PARD3: variants seen among roughly 807,000 people sequenced by gnomAD.
PARD3 encodes the protein partitioning defective 3 homolog.
A neutral mutation model predicts 155.4 loss-of-function variants in PARD3; 75 were observed. The ratio of observed to expected loss-of-function variants is 0.48; its 90% CI spans 0.40 to 0.58. The LOEUF (loss-of-function observed/expected upper bound fraction) is 0.58. Among genes scored for constraint, PARD3 ranks in the 20% least tolerant of loss-of-function variants. The probability of loss-of-function intolerance (pLI) is 0.00; values close to 1 mark genes in which losing one functional copy is unlikely to be tolerated. For synonymous variants in PARD3, 576 were observed against 610.5 expected (o/e 0.94, Z 0.83); for missense variants, 1,642 against 1,721.7 (o/e 0.95, Z 0.82).
intron 2 of PARD3, among the ~76,000 whole-genome samples, chr10:34,579,570 G>GTGTGTGTGTGTGTGTGTA (rs1554775604): frequency 1.1e-3 from 152 of 138,332 alleles, no homozygotes; most frequent in Middle Eastern, 6.9e-3. Flanking sequence ...GTGTGTGTGT[G>GTGTGTGTGTGTGTGTGTA]TGTGTGTGTG....
chr10:34,372,017 ATC>A (rs1249079947), intron 12 of PARD3, among the ~76,000 whole-genome samples: 12 of 152,054 alleles, frequency 7.9e-5, no homozygotes, highest in Non-Finnish European at 1.8e-4. Flanking sequence ...TTGTTAAATT[ATC>A]TCTTTTATAG....
intron 2 of PARD3, among the ~76,000 whole-genome samples, chr10:34,541,009 G>A (rs1041281122): frequency 6.6e-6 from 1 of 151,898 alleles, no homozygotes; most frequent in Non-Finnish European, 1.5e-5. Flanking sequence ...CTTAATTTAA[G>A]ATATAAGTAA....
intron 2 of PARD3, among the ~76,000 whole-genome samples, chr10:34,629,818 A>G (rs1358364046): frequency 6.6e-6 from 1 of 152,180 alleles, no homozygotes; most frequent in Admixed American, 6.5e-5. Flanking sequence ...TTTTGGGATA[A>G]TCTGTCATTT....
intron 1 of PARD3, among the ~76,000 whole-genome samples, chr10:34,721,249 G>A (rs2094602623): frequency 6.6e-6 from 1 of 152,216 alleles, no homozygotes; most frequent in Non-Finnish European, 1.5e-5. Flanking sequence ...TTCCAGAACT[G>A]AAGAGACTGC....
intron 2 of PARD3, among the ~76,000 whole-genome samples, chr10:34,624,360 A>C (rs1398823538): frequency 1.3e-5 from 2 of 152,230 alleles, no homozygotes; most frequent in African/African-American, 4.8e-5. Context: ...AAAGAAAACT[A>C]GGTAAAAAAA....
intron 21 of PARD3, among the ~76,000 whole-genome samples, chr10:34,279,187 C>T (rs1336556354): frequency 7.9e-6 from 1 of 126,254 alleles, no homozygotes; most frequent in African/African-American, 3.2e-5. Flanking sequence ...CACTCTGTCA[C>T]AAAAGCTGGA....
At chr10:34,349,751 A>ATT (rs1338408142) in intron 14 of PARD3, among the ~76,000 whole-genome samples, 1 of 152,144 alleles carries the variant, frequency 6.6e-6, no homozygotes, top group Admixed American at 6.5e-5. Context: ...AATTTATCAA[A>ATT]AGACAGACAA....
chr10:34,293,678 T>C (rs1020372640), intron 20 of PARD3, among the ~76,000 whole-genome samples: 6 of 152,214 alleles, frequency 3.9e-5, no homozygotes, highest in African/African-American at 1.2e-4. Context: ...TATTGTTTCA[T>C]AATACAATAC....
chr10:34,365,404 C>G (rs1003722247), intron 12 of PARD3, among the ~76,000 whole-genome samples: 1 of 152,154 alleles, frequency 6.6e-6, no homozygotes, highest in African/African-American at 2.4e-5. Context: ...GTACACCCAT[C>G]AAAAACCTCC....
intron 12 of PARD3, among the ~76,000 whole-genome samples, chr10:34,371,475 G>A (rs1362029522): frequency 2.8e-4 from 21 of 74,920 alleles, no homozygotes; most frequent in Non-Finnish European, 5.3e-4. Flanking sequence ...AATATGGTGA[G>A]ATTCTAGACT....
At chr10:34,557,614 G>C (rs1324211881) in intron 2 of PARD3, among the ~76,000 whole-genome samples, 1 of 152,052 alleles carries the variant, frequency 6.6e-6, no homozygotes, top group Non-Finnish European at 1.5e-5. Context: ...GAGTAGCTGG[G>C]ATTACAGGCG....
intron 22 of PARD3, among the ~76,000 whole-genome samples, chr10:34,232,724 A>G (rs969607575): frequency 3.3e-5 from 5 of 152,136 alleles, no homozygotes; most frequent in Non-Finnish European, 5.9e-5. Context: ...TTTTAGAGAC[A>G]AAGTCTTGCT....
chr10:34,134,876 T>G (rs1233577692), intron 22 of PARD3, among the ~76,000 whole-genome samples: 1 of 152,230 alleles, frequency 6.6e-6, no homozygotes, highest in Non-Finnish European at 1.5e-5. Flanking sequence ...GTTCTGTCTC[T>G]CTGGCCAGTC....
At chr10:34,329,985 G>A (rs1408677405) in intron 19 of PARD3, among the ~76,000 whole-genome samples, 1 of 151,796 alleles carries the variant, frequency 6.6e-6, no homozygotes, top group Non-Finnish European at 1.5e-5. Context: ...TTCTTCCCAC[G>A]AAAGTCTTTC....
chr10:34,483,325 T>C (rs2079212692), intron 3 of PARD3, among the ~76,000 whole-genome samples: 1 of 151,718 alleles, frequency 6.6e-6, no homozygotes, highest in Admixed American at 6.6e-5. Flanking sequence ...CTACAAAAAA[T>C]ACAAACATTA....
intron 2 of PARD3, among the ~76,000 whole-genome samples, chr10:34,584,364 A>T (rs1205543658): frequency 6.6e-6 from 1 of 152,168 alleles, no homozygotes; most frequent in Non-Finnish European, 1.5e-5. Flanking sequence ...AAGACCTAGG[A>T]CTTTCAGTTC....
At chr10:34,729,180 C>A (rs2094772485) in intron 1 of PARD3, among the ~76,000 whole-genome samples, 2 of 152,146 alleles carry the variant, frequency 1.3e-5, no homozygotes, top group East Asian at 1.9e-4. Context: ...CCTTAAGCGG[C>A]GCGTGACTAT....
At chr10:34,156,090 G>A (rs1322231763) in intron 22 of PARD3, among the ~76,000 whole-genome samples, 1 of 152,128 alleles carries the variant, frequency 6.6e-6, no homozygotes, top group Non-Finnish European at 1.5e-5. Context: ...TAAATTGGAT[G>A]ACTGATTCTC....
chr10:34,160,360 C>A (rs1949215757), intron 22 of PARD3, among the ~76,000 whole-genome samples: 1 of 152,178 alleles, frequency 6.6e-6, no homozygotes, highest in Non-Finnish European at 1.5e-5. Context: ...ATTAACAAAG[C>A]AGATTGATCT....
Sources: gnomAD v4.1 joint callset for allele counts (sites outside exome capture counted in the v4.1 genomes callset) on GRCh38, gnomAD v4.1.1 for gene constraint, MANE v1.5 for transcripts, NCBI Gene and HGNC (gene_info 2026-07-23, HGNC 2026-07-21) for gene names.